Variants in PCDHGA4 observed in about 807,000 individuals in gnomAD.
PCDHGA4 encodes the protein protocadherin gamma-A4.
Under a neutral mutation model 54.6 loss-of-function variants are expected in PCDHGA4, and 38 were observed. The observed-to-expected ratio is 0.70, with a 90% CI of 0.54 to 0.91. The LOEUF is 0.91. PCDHGA4 is among the 40% of genes least tolerant of loss of function. The probability of loss-of-function intolerance (pLI) is 0.00; values close to 1 mark genes in which losing one functional copy is unlikely to be tolerated. For missense variants in PCDHGA4, 1,298 were observed against 1,220.9 expected, an observed-to-expected ratio of 1.06 and a Z score of -0.94; for synonymous variants, 511 against 512.9, an observed-to-expected ratio of 1.00 and a Z score of 0.05.
intron 1 of PCDHGA4, chr5:141,366,531 G>T (rs756742340): frequency 6.2e-7 from 1 of 1,614,152 alleles, no homozygotes; most frequent in Non-Finnish European, 8.5e-7. Context: ...AGGTTGGCGG[G>T]TGTGCCCGCC....
intron 1 of PCDHGA4, chr5:141,478,429 G>C: frequency 6.2e-7 from 1 of 1,613,674 alleles, no homozygotes; most frequent in Non-Finnish European, 8.5e-7. Flanking sequence ...GCAGCGACCC[G>C]CTGCTGAAGA....
At chr5:141,456,341 C>G (rs950158154) in intron 1 of PCDHGA4, among the ~76,000 whole-genome samples, 4 of 152,034 alleles carry the variant, frequency 2.6e-5, no homozygotes, top group Admixed American at 1.3e-4. Context: ...TAAGGGTCCT[C>G]GGAAGAATGG....
chr5:141,497,957 A>G (rs2099780682), intron 2 of PCDHGA4, among the ~76,000 whole-genome samples: 1 of 152,242 alleles, frequency 6.6e-6, no homozygotes, highest in Non-Finnish European at 1.5e-5. Flanking sequence ...TCTGTTGGCC[A>G]GGCAGTGTTC....
intron 1 of PCDHGA4, chr5:141,390,730 A>T (rs964390196): frequency 2.0e-5 from 4 of 195,852 alleles, no homozygotes; most frequent in Non-Finnish European, 3.1e-5. Flanking sequence ...TTTAACTGGT[A>T]TGGTCTCCAT....
intron 1 of PCDHGA4, chr5:141,433,250 G>A: frequency 1.4e-6 from 2 of 1,440,892 alleles, no homozygotes; most frequent in Non-Finnish European, 1.9e-6. Flanking sequence ...CTGGAATGCA[G>A]CGGTACGATC....
chr5:141,404,826 A>C lies in PCDHGA4; in HGVS notation c.2514+47205A>C, dbSNP rs771996319. 2.5e-6 allele frequency: 4 copies of C among 1,613,710 alleles called. No individual in the cohort carries two copies. In the South Asian group the frequency reaches 3.3e-5, roughly 13 times the overall value. The stretch of plus-strand genomic sequence containing the variant: ...TTCTCGGTGGGGCTGCACACAGGTG[A>C]AGTGCGCACAGCTCGGGCCCTGCTA... On this transcript the variant is annotated intron_variant, in intron 1 of 3. Transcript: ENST00000571252.
At chr5:141,422,696 ACT>A in intron 1 of PCDHGA4, 1 of 1,602,756 alleles carries the variant, frequency 6.2e-7, no homozygotes, top group Non-Finnish European at 8.5e-7. Flanking sequence ...CTGGTCACTT[ACT>A]CTCTGACGGA....
intron 1 of PCDHGA4, chr5:141,384,235 A>C (rs1779874846): frequency 1.2e-6 from 2 of 1,613,774 alleles, no homozygotes; most frequent in Admixed American, 1.7e-5. Context: ...GGCAGACACC[A>C]ACGATAACCC....
chr5:141,462,668 T>C (rs778396861), intron 1 of PCDHGA4, among the ~76,000 whole-genome samples: 10 of 152,232 alleles, frequency 6.6e-5, no homozygotes, highest in Non-Finnish European at 1.5e-4. Flanking sequence ...CTTCATATTT[T>C]TCTTTAAATT....
chr5:141,372,725 A>G (rs1258286952), intron 1 of PCDHGA4: 4 of 1,613,884 alleles, frequency 2.5e-6, no homozygotes, highest in Admixed American at 1.7e-5. Flanking sequence ...ATGCTGCACC[A>G]CAAGATCTTC....
rs200964276 is a variant in PCDHGA4 at position 141,371,678 on chromosome 5, C to G, written c.2514+14057C>G. The G allele has an allele frequency of 1.6e-3, 2,661 of 1,614,038 alleles. 3 individuals carry two copies. Among genetic ancestry groups the G allele is most frequent in the Non-Finnish European group, 2.1e-3 (2,441 of 1,179,894 alleles). On this transcript the variant is annotated intron_variant, in intron 1 of 3. Coordinates refer to ENST00000571252, the MANE Select transcript of PCDHGA4 (RefSeq NM_018917.4). ...TGACGATCACAGCTACCGACAAAGG[C>G]AATCCACCGCTCTCCTCCAGCAAGA...
chr5:141,396,274 C>G (rs2093362401), intron 1 of PCDHGA4: 2 of 152,252 alleles, frequency 1.3e-5, no homozygotes, highest in African/African-American at 2.4e-5. Flanking sequence ...GAGCTATGAT[C>G]ATGCCACTGC....
chr5:141,397,287 G>A (rs2093504712), intron 1 of PCDHGA4, among the ~76,000 whole-genome samples: 1 of 152,134 alleles, frequency 6.6e-6, no homozygotes, highest in Admixed American at 6.5e-5. Flanking sequence ...CAGTATACTT[G>A]AATGAATATT....
chr5:141,443,172 C>T (rs1454734622), intron 1 of PCDHGA4, among the ~76,000 whole-genome samples: 1 of 152,176 alleles, frequency 6.6e-6, no homozygotes, highest in Non-Finnish European at 1.5e-5. Flanking sequence ...CTACCCATGT[C>T]CACTGCATCA....
At position 141,491,640 on chromosome 5, in the gene PCDHGA4, T is replaced by A; in HGVS notation, c.2515-3167T>A. 6.2e-7 allele frequency: 1 copy of A among 1,613,804 alleles called. No homozygotes were observed. Among genetic ancestry groups the A allele is most frequent in the South Asian group, 1.1e-5 (1 of 91,086 alleles). On this transcript the variant is annotated intron_variant, in intron 1 of 3. Coordinates refer to ENST00000571252, the MANE Select transcript of PCDHGA4 (RefSeq NM_018917.4). This position sits in a 1 kb window ranked among gnomAD's most constrained non-coding sequence, Gnocchi z 6.9. ...CCCTCAGCGTTCAGCAGCCCACAGC[T>A]CTGGCGCTGGAGCCTGACGCCATCC...
Position 141,408,922 on chromosome 5 carries a change from G to A in PCDHGA4, c.2514+51301G>A, listed in dbSNP as rs762449366. ...TCAAGGATACCAATGATAACCCCCC[G>A]GTTTTCAGCAGAGACGAATATAGAA... On this transcript the variant is annotated intron_variant, in intron 1 of 3. Coordinates refer to ENST00000571252, the MANE Select transcript of PCDHGA4 (RefSeq NM_018917.4). 3.7e-6 allele frequency: 6 copies of A among 1,613,104 alleles called. No homozygotes were observed. In the Admixed American group the frequency reaches 8.3e-5, roughly 22 times the overall value.
chr5:141,475,653 G>T (rs982063429), intron 1 of PCDHGA4, among the ~76,000 whole-genome samples: 2 of 152,238 alleles, frequency 1.3e-5, no homozygotes, highest in African/African-American at 2.4e-5. Context: ...CAAAGAAAGT[G>T]ATTCAAATGT....
intron 1 of PCDHGA4, chr5:141,364,607 G>C (rs775025025): frequency 1.9e-6 from 3 of 1,614,080 alleles, no homozygotes; most frequent in African/African-American, 2.7e-5. Flanking sequence ...GATAGACCGG[G>C]AGGAGCTCTG....
chr5:141,476,551 C>A lies in PCDHGA4; in HGVS notation c.2515-18256C>A, dbSNP rs367700651. 6.2e-7 allele frequency: 1 copy of A among 1,614,196 alleles called. No individual in the cohort carries two copies. The highest frequency in any genetic ancestry group is 1.7e-5 in the Admixed American group (1 of 60,028). ...CCCAGGAAATGAAATTGGAGATTAG[C>A]GAGGCCGTGGCTCCGGGGACGCGCT... On this transcript the variant is annotated intron_variant, in intron 1 of 3. Transcript: ENST00000571252. This position sits in a 1 kb window ranked among gnomAD's most constrained non-coding sequence, Gnocchi z 7.6.
Sources: gnomAD v4.1 joint callset for allele counts (sites outside exome capture counted in the v4.1 genomes callset) on GRCh38, gnomAD v4.1.1 for gene constraint, Gnocchi (gnomAD v3.1) non-coding constraint, MANE v1.5 for transcripts, NCBI Gene and HGNC (gene_info 2026-07-23, HGNC 2026-07-21) for gene names.